GJB7: variants seen among roughly 807,000 people sequenced by gnomAD.
The protein encoded by GJB7 is gap junction beta-7 protein.
For synonymous variants in GJB7, 87 were observed against 95.2 expected, an observed-to-expected ratio of 0.91 and a Z score of 0.50; for missense variants, 253 against 256.8, an observed-to-expected ratio of 0.99 and a Z score of 0.10.
At chr6:87,320,526 T>A (rs890360968) in intron 2 of GJB7, among the ~76,000 whole-genome samples, 2 of 152,168 alleles carry the variant, frequency 1.3e-5, no homozygotes, top group African/African-American at 4.8e-5. Context: ...TCACCAATGT[T>A]AAGGACCATG....
intron 2 of GJB7, among the ~76,000 whole-genome samples, chr6:87,308,031 G>T (rs1418249110): frequency 1.1e-4 from 16 of 152,178 alleles, no homozygotes; most frequent in Admixed American, 3.9e-4. Flanking sequence ...ATACACTATG[G>T]AATACTATGT....
At chr6:87,289,325 G>A (rs896561663) in intron 2 of GJB7, among the ~76,000 whole-genome samples, 5 of 151,988 alleles carry the variant, frequency 3.3e-5, no homozygotes, top group Admixed American at 1.3e-4. Context: ...ACTTGTTTTC[G>A]TGATTAATAT....
chr6:87,297,656 A>G (rs910681664), intron 2 of GJB7, among the ~76,000 whole-genome samples: 3 of 152,360 alleles, frequency 2.0e-5, no homozygotes, highest in Admixed American at 6.5e-5. Flanking sequence ...TGAAAAGGCA[A>G]TTGAATATAC....
chr6:87,327,209 G>T (rs1185316573), intron 1 of GJB7, among the ~76,000 whole-genome samples: 1 of 148,036 alleles, frequency 6.8e-6, no homozygotes, highest in Non-Finnish European at 1.5e-5. Flanking sequence ...GATGGGTCTT[G>T]ACTCTTTATC....
At chr6:87,322,061 A>C (rs1304955609) in intron 2 of GJB7, among the ~76,000 whole-genome samples, 2 of 152,188 alleles carry the variant, frequency 1.3e-5, no homozygotes, top group African/African-American at 2.4e-5. Context: ...CGTGTATCCC[A>C]ACAAACTTAA....
At chr6:87,299,261 A>C in intron 2 of GJB7, 1 of 469,704 alleles carries the variant, frequency 2.1e-6, no homozygotes, top group Non-Finnish European at 4.3e-6. Flanking sequence ...GAAATTGCTC[A>C]GGTTGCTACG....
chr6:87,312,297 A>G (rs1475019308), intron 2 of GJB7, among the ~76,000 whole-genome samples: 3 of 151,670 alleles, frequency 2.0e-5, no homozygotes, highest in East Asian at 3.9e-4. Context: ...ATGGATCACG[A>G]GGTCAAGAGT....
intron 2 of GJB7, among the ~76,000 whole-genome samples, chr6:87,319,898 A>AATAAGCC (rs1776631540): frequency 6.6e-6 from 1 of 152,232 alleles, no homozygotes; most frequent in Admixed American, 6.5e-5. Flanking sequence ...TTTTCAGTGA[A>AATAAGCC]ATAAGCCAGG....
chr6:87,306,919 C>T (rs1358400299), intron 2 of GJB7, among the ~76,000 whole-genome samples: 2 of 151,968 alleles, frequency 1.3e-5, no homozygotes, highest in Non-Finnish European at 2.9e-5. Context: ...TGAACTATCG[C>T]AAGAACAAGA....
intron 2 of GJB7, among the ~76,000 whole-genome samples, chr6:87,321,619 G>A (rs1427360593): frequency 6.6e-6 from 1 of 152,036 alleles, no homozygotes; most frequent in East Asian, 1.9e-4. Context: ...TCCTTTCAGG[G>A]GTGGGTTGGT....
chr6:87,287,093 T>C (rs1178425453), intron 2 of GJB7, among the ~76,000 whole-genome samples: 1 of 152,200 alleles, frequency 6.6e-6, no homozygotes, highest in Non-Finnish European at 1.5e-5. Context: ...TCCATATATT[T>C]TCAAATGTCC....
At chr6:87,287,688 G>A (rs377677947) in intron 2 of GJB7, among the ~76,000 whole-genome samples, 1 of 152,068 alleles carries the variant, frequency 6.6e-6, no homozygotes, top group African/African-American at 2.4e-5. Flanking sequence ...ATCATTGGGC[G>A]TTTGTCTGTA....
intron 2 of GJB7, chr6:87,300,191 T>C (rs1776300796): frequency 4.7e-6 from 1 of 213,308 alleles, no homozygotes; most frequent in African/African-American, 2.3e-5. Context: ...GCAGTGACTA[T>C]TGTTAAGAAT....
Position 87,308,431 on chromosome 6 carries a change from A to T in GJB7, c.-28+14435T>A, listed in dbSNP as rs1407800165. ...TCCCGTAACTGAAATTAAGACTGCA[A>T]AAGATAGCTTTAACAGCAGATTAAC... On this transcript the variant is annotated intron_variant, in intron 2 of 2. Transcript: ENST00000525899. 2.6e-5 allele frequency among the ~76,000 whole-genome samples: 4 copies of T among 152,328 alleles called. No individual in the cohort carries two copies. In the East Asian group the frequency reaches 7.7e-4, roughly 29 times the overall value.
chr6:87,301,717 G>A (rs183165687), intron 2 of GJB7, among the ~76,000 whole-genome samples: 65 of 152,306 alleles, frequency 4.3e-4, no homozygotes, highest in Admixed American at 1.4e-3. Context: ...ATCTGAGAAC[G>A]GACAGACTGC....
chr6:87,318,564 C>T (rs1482353521), intron 2 of GJB7, among the ~76,000 whole-genome samples: 3 of 152,120 alleles, frequency 2.0e-5, no homozygotes, highest in African/African-American at 7.2e-5. Flanking sequence ...CTCCAGCAGG[C>T]TAGCTGGAGT....
At chr6:87,307,014 G>A (rs886206907) in intron 2 of GJB7, among the ~76,000 whole-genome samples, 1 of 152,000 alleles carries the variant, frequency 6.6e-6, no homozygotes, top group African/African-American at 2.4e-5. Context: ...TCACACTCTG[G>A]GGTCTGTTGT....
At chr6:87,324,476 C>T (rs557782349) in intron 1 of GJB7, among the ~76,000 whole-genome samples, 192 of 150,496 alleles carry the variant, frequency 1.3e-3, no homozygotes, top group Non-Finnish European at 2.4e-3. Flanking sequence ...CCAGTTTCAG[C>T]TTTCTACATA....
At chr6:87,325,340 G>A (rs1386490342) in intron 1 of GJB7, among the ~76,000 whole-genome samples, 1 of 142,596 alleles carries the variant, frequency 7.0e-6, no homozygotes, top group African/African-American at 2.7e-5. Context: ...TCCCTGTCTT[G>A]TGCCAGTTTT....
Sources: gnomAD v4.1 joint callset for allele counts (sites outside exome capture counted in the v4.1 genomes callset) on GRCh38, gnomAD v4.1.1 for gene constraint, MANE v1.5 for transcripts, NCBI Gene and HGNC (gene_info 2026-07-23, HGNC 2026-07-21) for gene names.